The following TBC1D21 variants were observed in gnomAD, a reference collection of about 807,000 sequenced individuals.
The protein encoded by TBC1D21 is TBC1 domain family member 21, also known as male germ cell Rab GTPase-activating protein.
Under a neutral mutation model 46.0 loss-of-function variants are expected in TBC1D21, and 38 were observed. The observed-to-expected ratio is 0.83, with a 90% CI of 0.64 to 1.08. The LOEUF (loss-of-function observed/expected upper bound fraction) is 1.08, where lower values mean the gene tolerates loss of function less well. Among genes scored for constraint, TBC1D21 ranks in the 50% least tolerant of loss-of-function variants. The probability of loss-of-function intolerance (pLI) is 0.00; values close to 1 mark genes in which losing one functional copy is unlikely to be tolerated. For missense variants in TBC1D21, 415 were observed against 417.9 expected, an observed-to-expected ratio of 0.99 and a Z score of 0.06; for synonymous variants, 151 against 157.2, an observed-to-expected ratio of 0.96 and a Z score of 0.29.
At chr15:73,894,345 C>T in the TBC1D21 span, among the ~76,000 whole-genome samples, 24 of 152,342 alleles carry the variant, frequency 1.6e-4, no homozygotes, top group African/African-American at 5.5e-4. Context: ...ACCGATGGGC[C>T]GAGATGGTCC....
the TBC1D21 span, among the ~76,000 whole-genome samples, chr15:73,899,316 G>A: frequency 1.7e-4 from 26 of 152,206 alleles, no homozygotes; most frequent in African/African-American, 5.8e-4. Flanking sequence ...GAGGGCTCCC[G>A]CTCACAGGAA....
chr15:73,905,570 C>T, the TBC1D21 span, among the ~76,000 whole-genome samples: 4 of 152,236 alleles, frequency 2.6e-5, no homozygotes, highest in Admixed American at 6.5e-5. Context: ...CTTAATTCTG[C>T]ATTCAGTGAC....
chr15:73,906,445 A>C, the TBC1D21 span, among the ~76,000 whole-genome samples: 1 of 152,154 alleles, frequency 6.6e-6, no homozygotes, highest in African/African-American at 2.4e-5. Context: ...GAGTGAATGG[A>C]ATCTGGAGTG....
intron 3 of TBC1D21, among the ~76,000 whole-genome samples, chr15:73,882,371 C>T (rs1328637816): frequency 1.3e-5 from 2 of 152,212 alleles, no homozygotes; most frequent in African/African-American, 4.8e-5. Flanking sequence ...ACTGACTCCT[C>T]ATCTGCCCAC....
the TBC1D21 span, among the ~76,000 whole-genome samples, chr15:73,894,248 C>T: frequency 1.6e-4 from 25 of 152,324 alleles, no homozygotes; most frequent in African/African-American, 4.6e-4. Context: ...GCCATCCTCC[C>T]GCAGCCCACA....
chr15:73,888,835 A>G lies in TBC1D21; in HGVS notation c.979-234A>G, dbSNP rs572484777. On this transcript the variant is annotated intron_variant, in intron 10 of 10. Transcript: ENST00000300504. ...AGACACAGACTGTGCCACGTTCTCT[A>G]CCACTGACCCATGCATGTTGCTCCT... Among the ~76,000 whole-genome samples the G allele has an allele frequency of 3.3e-5, 5 of 152,180 alleles. No homozygotes were observed. The South Asian group carries it at 1.0e-3, about 32-fold the overall frequency.
chr15:73,904,321 C>G, the TBC1D21 span, among the ~76,000 whole-genome samples: 4 of 152,348 alleles, frequency 2.6e-5, no homozygotes, highest in Non-Finnish European at 5.9e-5. Context: ...CCAGCCCCCG[C>G]AGGCATGCAG....
At chr15:73,882,003 C>T (rs550413309) in intron 3 of TBC1D21, among the ~76,000 whole-genome samples, 2 of 152,114 alleles carry the variant, frequency 1.3e-5, no homozygotes, top group Non-Finnish European at 2.9e-5. Flanking sequence ...CCCCTGGGCC[C>T]CAAGTCCCAT....
intron 1 of TBC1D21, among the ~76,000 whole-genome samples, chr15:73,879,707 T>C (rs2068120255): frequency 6.6e-6 from 1 of 152,204 alleles, no homozygotes; most frequent in Admixed American, 6.5e-5. Flanking sequence ...TTCAGATGTA[T>C]ACTAATGGGA....
In TBC1D21 at chr15:73,887,541, G is replaced by A; in HGVS notation, c.778-79G>A. 3.2e-6 allele frequency: 4 copies of A among 1,255,902 alleles called. No individual in the cohort carries two copies. The South Asian group carries it at 4.8e-5, about 15-fold the overall frequency. The allele number at this position is 1,255,902 out of a possible 1,614,324, so 77.8% of individuals were successfully genotyped here. On this transcript the variant is annotated intron_variant, in intron 8 of 10. Coordinates refer to ENST00000300504, the MANE Select transcript of TBC1D21 (RefSeq NM_153356.3). ...AGGAATGGCTGACTCCAGGCACGTG[G>A]TTGGTGGGTACCTCACCATCCTCAG...
At chr15:73,905,678 C>T in the TBC1D21 span, among the ~76,000 whole-genome samples, 1 of 152,186 alleles carries the variant, frequency 6.6e-6, no homozygotes, top group Non-Finnish European at 1.5e-5. Flanking sequence ...TTTAAAGAGC[C>T]ACCACTGCCT....
At chr15:73,883,229 C>A (rs77909638) in intron 3 of TBC1D21, among the ~76,000 whole-genome samples, 1 of 152,112 alleles carries the variant, frequency 6.6e-6, no homozygotes, top group African/African-American at 2.4e-5. Flanking sequence ...CGGGGTGGGA[C>A]GGGGGTGTGA....
At chr15:73,884,328 G>A (rs547708682) in intron 4 of TBC1D21, 83 bp downstream of exon 4, 1 of 1,287,068 alleles carries the variant, frequency 7.8e-7, no homozygotes, top group Admixed American at 1.7e-5. Context: ...TTCCAGGGAG[G>A]GATGGCTCCA....
the TBC1D21 span, among the ~76,000 whole-genome samples, chr15:73,899,108 C>T: frequency 7.2e-5 from 11 of 152,040 alleles, no homozygotes; most frequent in African/African-American, 2.4e-4. Flanking sequence ...TTAGACTTCA[C>T]TAGCAATTGT....
chr15:73,907,830 G>T, the TBC1D21 span, among the ~76,000 whole-genome samples: 1 of 151,478 alleles, frequency 6.6e-6, no homozygotes, highest in African/African-American at 2.4e-5. Flanking sequence ...ACTTCCCTGA[G>T]CCTCACTGTC....
chr15:73,899,006 A>T, the TBC1D21 span, among the ~76,000 whole-genome samples: 3 of 151,696 alleles, frequency 2.0e-5, no homozygotes, highest in Admixed American at 2.0e-4. Context: ...TGTCTTCAAA[A>T]TCTGGCATAT....
chr15:73,875,840 G>C (rs1427444923), intron 1 of TBC1D21, among the ~76,000 whole-genome samples: 1 of 152,200 alleles, frequency 6.6e-6, no homozygotes, highest in African/African-American at 2.4e-5. Context: ...GTATGGAAAA[G>C]GGTGTTATTA....
chr15:73,881,354 C>T (rs762627614), intron 1 of TBC1D21, 45 bp from the exon 2 acceptor site: 9 of 1,450,680 alleles, frequency 6.2e-6, no homozygotes, highest in Admixed American at 1.8e-5. Flanking sequence ...ACTTAAAAGC[C>T]GAAGCCTTCT....
chr15:73,885,899 A>T (rs1475415539), intron 6 of TBC1D21, among the ~76,000 whole-genome samples, 179 bp from the exon 7 acceptor site: 1 of 152,010 alleles, frequency 6.6e-6, no homozygotes, highest in Admixed American at 6.6e-5. Flanking sequence ...CACAGATCAC[A>T]GTCACATAGA....
Sources: gnomAD v4.1 joint callset for allele counts (sites outside exome capture counted in the v4.1 genomes callset) on GRCh38, gnomAD v4.1.1 for gene constraint, MANE v1.5 for transcripts, NCBI Gene and HGNC (gene_info 2026-07-23, HGNC 2026-07-21) for gene names.